ARHGAP39: variants seen among roughly 807,000 people sequenced by gnomAD.
ARHGAP39 encodes rho GTPase-activating protein 39.
Under a neutral mutation model 106.9 loss-of-function variants are expected in ARHGAP39, and 44 were observed. That is an observed-to-expected ratio of 0.41 (90% CI 0.32 to 0.53). ARHGAP39 has a LOEUF of 0.53. Ranked by LOEUF, ARHGAP39 falls within the 20% of genes least tolerant of loss-of-function variation. The pLI is 0.21. For synonymous variants in ARHGAP39, 768 were observed against 693.2 expected (o/e 1.11, Z -1.69); for missense variants, 1,496 against 1,577.3 (o/e 0.95, Z 0.87).
chr8:144,629,281 C>T (rs1246780811), intron 1 of ARHGAP39, among the ~76,000 whole-genome samples: 1 of 152,228 alleles, frequency 6.6e-6, no homozygotes, highest in Non-Finnish European at 1.5e-5. Flanking sequence ...CGGAGCTGCA[C>T]CAATGGCGAC....
At chr8:144,623,967 C>T (rs1232968688) in intron 1 of ARHGAP39, among the ~76,000 whole-genome samples, 1 of 152,242 alleles carries the variant, frequency 6.6e-6, no homozygotes, top group South Asian at 2.1e-4. Context: ...AGGCCCATGA[C>T]CATGCTTGGC....
At chr8:144,686,930 A>AG (rs1822608663), upstream of ARHGAP39, among the ~76,000 whole-genome samples, 1 of 57,108 alleles carries the variant, frequency 1.8e-5, no homozygotes. Context: ...ACTGGCGGCG[A>AG]CCATTTCCCA....
Position 144,530,115 on chromosome 8 carries a change from G to A in ARHGAP39, c.*307C>T, listed in dbSNP as rs974171634. The A allele has an allele frequency of 6.0e-5, 22 of 365,430 alleles. No homozygotes were observed. Among genetic ancestry groups the A allele is most frequent in the African/African-American group, 4.5e-4 (21 of 46,332 alleles). The allele number at this position is 365,430 out of a possible 1,614,324, so 22.6% of individuals were successfully genotyped here. On this transcript the variant is annotated 3_prime_UTR_variant, in exon 12 of 12. Transcript: ENST00000377307. Reference sequence around the variant, plus strand: ...AGCCCGGCCCCAAGGAGGCAGCGTCGCTCGGCTCCAGGACACAGAAGGCAC... The same window carrying A: ...AGCCCGGCCCCAAGGAGGCAGCGTCACTCGGCTCCAGGACACAGAAGGCAC...
At chr8:144,686,524 A>G (rs1423282692), upstream of ARHGAP39, among the ~76,000 whole-genome samples, 1 of 152,206 alleles carries the variant, frequency 6.6e-6, no homozygotes, top group Non-Finnish European at 1.5e-5. Flanking sequence ...CACACCCTTC[A>G]GTCCTGGACA....
chr8:144,690,566 T>A (rs1365786792), upstream of ARHGAP39, among the ~76,000 whole-genome samples: 1 of 152,222 alleles, frequency 6.6e-6, no homozygotes, highest in Non-Finnish European at 1.5e-5. Context: ...TGATTAGCGA[T>A]GTTGAACAAC....
At chr8:144,541,809 G>A (rs571332724) in intron 6 of ARHGAP39, among the ~76,000 whole-genome samples, 1 of 152,344 alleles carries the variant, frequency 6.6e-6, no homozygotes, top group African/African-American at 2.4e-5. Context: ...AAGAGCTGCT[G>A]TGAACGAGGT....
the ARHGAP39 span, among the ~76,000 whole-genome samples, chr8:144,698,089 G>C: frequency 1.3e-5 from 2 of 152,148 alleles, no homozygotes; most frequent in Non-Finnish European, 2.9e-5. Context: ...GTACTTGGTA[G>C]GAGGTGTTTG....
intron 6 of ARHGAP39, among the ~76,000 whole-genome samples, chr8:144,543,131 G>C (rs1817267132): frequency 6.6e-6 from 1 of 151,896 alleles, no homozygotes; most frequent in African/African-American, 2.4e-5. Context: ...CACCATGCTT[G>C]GCTAATTTCC....
chr8:144,580,781 G>T, intron 3 of ARHGAP39, 65 bp downstream of exon 3: 1 of 45,502 alleles, frequency 2.2e-5, no homozygotes, highest in Non-Finnish European at 3.7e-5. Flanking sequence ...CCCCCTACCT[G>T]CCTCACCTGG....
chr8:144,534,187 G>A lies in ARHGAP39; in HGVS notation c.2630C>T (p.Thr877Met), dbSNP rs199672590. The change falls in exon 8 of 12, where the codon ACG (threonine) becomes ATG (methionine). Residue 877 changes from threonine to methionine, a missense_variant. Around this residue, in one of 4 missense-constraint regions of ARHGAP39, gnomAD observed 470 missense variants for 605.1 expected, o/e 0.78. Coordinates refer to ENST00000377307, the MANE Select transcript of ARHGAP39 (RefSeq NM_025251.3). ...CTTGTGGTAACAGTACTTGGCATAC[G>A]TGCTTATCGCCACCCCTGGAAAGGA... ...VEEPDGVAIS[T>M]YAKYCYHKLQ... 66 of 1,613,372 alleles carry A rather than the reference G, an allele frequency of 4.1e-5. No individual in the cohort carries two copies. The highest frequency in any genetic ancestry group is 1.2e-4 in the Admixed American group (7 of 60,002).
At chr8:144,535,563 G>A (rs1231514173) in intron 7 of ARHGAP39, among the ~76,000 whole-genome samples, 2 of 152,348 alleles carry the variant, frequency 1.3e-5, no homozygotes, top group South Asian at 2.1e-4. Context: ...GAAGGCGGCA[G>A]AAACCCAGGG....
rs74948460 is a variant in ARHGAP39, at chr8:144,652,202, G to A, written c.-82+33484C>T. Among the ~76,000 whole-genome samples, 2,474 of 152,100 alleles carry A rather than the reference G, an allele frequency of 0.016. 209 individuals carry two copies. In the East Asian group the frequency reaches 0.25, roughly 15 times the overall value. On this transcript the variant is annotated intron_variant, in intron 1 of 11. Coordinates refer to ENST00000377307, the MANE Select transcript of ARHGAP39 (RefSeq NM_025251.3). ...ATCTAGCACTCCAGCCTGGGCGACA[G>A]TGCAAGACCCCGTCTCAAAAATAAA...
At chr8:144,532,766 T>C (rs930369816) in intron 9 of ARHGAP39, among the ~76,000 whole-genome samples, 9 of 152,250 alleles carry the variant, frequency 5.9e-5, no homozygotes, top group South Asian at 2.1e-4. Flanking sequence ...GTCATGGGAG[T>C]GGGTGGCACC....
Position 144,545,265 on chromosome 8 carries a change from G to A in ARHGAP39, c.2505C>T (p.Pro835=). Residue 835 remains proline (P), a synonymous_variant, in exon 6 of 12, where the codon CCC becomes CCT. Transcript: ENST00000377307. ...TGGCCTTACCTTTAGTGTCATTGACGGGGTCCATGTGCCGGTAGATGTAGC... is the reference window on the plus strand; with the variant it reads ...TGGCCTTACCTTTAGTGTCATTGACAGGGTCCATGTGCCGGTAGATGTAGC... The part of the protein sequence containing the change: ...LEGYIYRHMD[P]VNDTKVTQHI... 8 of 1,546,546 alleles carry A rather than the reference G, an allele frequency of 5.2e-6. No individual in the cohort carries two copies. The highest frequency in any genetic ancestry group is 1.2e-5 in the South Asian group (1 of 83,652).
chr8:144,688,710 G>A (rs772254588), upstream of ARHGAP39, among the ~76,000 whole-genome samples: 8 of 152,294 alleles, frequency 5.3e-5, no homozygotes, highest in South Asian at 4.1e-4. Context: ...GCAACAGAGC[G>A]AGACCCTGTC....
intron 1 of ARHGAP39, among the ~76,000 whole-genome samples, chr8:144,676,980 G>A (rs1439346705): frequency 6.6e-6 from 1 of 152,268 alleles, no homozygotes; most frequent in East Asian, 1.9e-4. Flanking sequence ...ATGTTGGTCA[G>A]GATGGTCTTG....
chr8:144,687,225 C>T (rs1213600779), upstream of ARHGAP39, among the ~76,000 whole-genome samples: 4 of 29,062 alleles, frequency 1.4e-4, no homozygotes, highest in African/African-American at 3.4e-4. Flanking sequence ...CGACCATTTC[C>T]CACCCCCGTG....
rs937308996 is a variant in ARHGAP39 at position 144,585,365 on chromosome 8, G to A, written c.81-4088C>T. The stretch of plus-strand genomic sequence containing the variant: ...GCACCAGCTCACCGAGAACCTGGAG[G>A]GGCCAGCCAAGGGTTCCCAGCACCG... On this transcript the variant is annotated intron_variant, in intron 2 of 11. Coordinates refer to ENST00000377307, the MANE Select transcript of ARHGAP39 (RefSeq NM_025251.3). This position sits in a 1 kb window ranked among gnomAD's most constrained non-coding sequence, Gnocchi z 4.6. Among the ~76,000 whole-genome samples the A allele has an allele frequency of 6.6e-6, 1 of 150,964 alleles. No individual in the cohort carries two copies. The highest frequency in any genetic ancestry group is 1.5e-5 in the Non-Finnish European group (1 of 67,696).
In ARHGAP39 at chr8:144,594,809, C is replaced by T. The variant is rs186067047; in HGVS notation, c.80+10726G>A. Among the ~76,000 whole-genome samples, 313 of 152,156 alleles carry T rather than the reference C, an allele frequency of 2.1e-3. 1 individual carries two copies. The highest frequency in any genetic ancestry group is 7.0e-3 in the African/African-American group (291 of 41,508). On this transcript the variant is annotated intron_variant, in intron 2 of 11. Transcript: ENST00000377307. The stretch of plus-strand genomic sequence containing the variant: ...CTGAGGCATGAGAATCACTTGGATC[C>T]GGGAAGCAGAGGTTGCAGTGAGCCA...
Sources: gnomAD v4.1 joint callset for allele counts (sites outside exome capture counted in the v4.1 genomes callset) on GRCh38, gnomAD v4.1.1 for gene constraint, gnomAD v4.1.1 regional missense constraint, Gnocchi (gnomAD v3.1) non-coding constraint, MANE v1.5 for transcripts, NCBI Gene and HGNC (gene_info 2026-07-23, HGNC 2026-07-21) for gene names.